The following CA13 variants were observed in gnomAD, a reference collection of about 807,000 sequenced individuals.
CA13 encodes the protein carbonic anhydrase 13.
A neutral mutation model predicts 31.5 loss-of-function variants in CA13; 21 were observed. The observed-to-expected ratio is 0.67, with a 90% CI of 0.47 to 0.96. The LOEUF (loss-of-function observed/expected upper bound fraction) is 0.96. Ranked by LOEUF, CA13 falls within the 40% of genes least tolerant of loss-of-function variation. The pLI is 0.00. For missense variants in CA13, 315 were observed against 318.9 expected (o/e 0.99, Z 0.09); for synonymous variants, 117 against 111.4 (o/e 1.05, Z -0.32).
In CA13 at chr8:85,283,962, A is replaced by G. The variant is rs1431981494; in HGVS notation, c.*2613A>G. The G allele has an allele frequency of 6.6e-6, 1 of 152,134 alleles. No homozygotes were observed. Among genetic ancestry groups the G allele is most frequent in the Non-Finnish European group, 1.5e-5 (1 of 68,014 alleles). 9.4% of individuals were successfully genotyped at this position (152,134 alleles called of 1,614,324 possible). ...AACAAATTAAAGAGTTGTAAATACTAGTGTAGATCTCTTTTGTTTACCACA... is the reference window on the plus strand; with the variant it reads ...AACAAATTAAAGAGTTGTAAATACTGGTGTAGATCTCTTTTGTTTACCACA... On this transcript the variant is annotated 3_prime_UTR_variant, in exon 7 of 7. Coordinates refer to ENST00000321764, the MANE Select transcript of CA13 (RefSeq NM_198584.3).
At chr8:85,251,848 T>A (rs1002888272) in intron 2 of CA13, among the ~76,000 whole-genome samples, 3 of 152,254 alleles carry the variant, frequency 2.0e-5, no homozygotes, top group Admixed American at 6.5e-5. Flanking sequence ...ATCATCCTTG[T>A]TTTGCATTTT....
Position 85,268,484 on chromosome 8 carries a change from C to T in CA13, c.526C>T (p.Arg176Ter), listed in dbSNP as rs916526395. 1.1e-5 allele frequency: 18 copies of T among 1,613,860 alleles called. No homozygotes were observed. Among genetic ancestry groups the T allele is most frequent in the African/African-American group, 2.7e-5 (2 of 74,902 alleles). The change falls in exon 6 of 7, where the codon CGA (arginine) becomes TGA (stop). Residue 176 changes from arginine to a stop codon, truncating the protein, a stop_gained. Transcript: ENST00000321764. LOFTEE classifies it high-confidence loss of function. The stretch of plus-strand genomic sequence containing the variant: ...TTTGATCCTCCAGGGTAAACAAACT[C>T]GATTCACAAATTTTGACCTATTGTC... ...DSIKEKGKQT[R>*]FTNFDLLSLL... is the part of the protein sequence containing the mutation.
intron 1 of CA13, 66 bp downstream of exon 1, chr8:85,245,931 C>G: frequency 6.3e-7 from 1 of 1,579,088 alleles, no homozygotes; most frequent in Non-Finnish European, 8.7e-7. Flanking sequence ...CGCGACGCCC[C>G]GGCGCTCGCT....
At chr8:85,277,682 A>G (rs1342890558) in intron 6 of CA13, among the ~76,000 whole-genome samples, 2 of 152,128 alleles carry the variant, frequency 1.3e-5, no homozygotes, top group African/African-American at 4.8e-5. Flanking sequence ...GGTGGTGTGG[A>G]GCAACAAGAG....
chr8:85,269,415 C>A (rs1360366889), intron 6 of CA13, among the ~76,000 whole-genome samples: 1 of 152,112 alleles, frequency 6.6e-6, no homozygotes, highest in Non-Finnish European at 1.5e-5. Flanking sequence ...CATGCCGCTG[C>A]ATTCCAGAGC....
chr8:85,253,049 G>A (rs981184418), intron 2 of CA13, among the ~76,000 whole-genome samples: 2 of 151,546 alleles, frequency 1.3e-5, no homozygotes, highest in African/African-American at 2.4e-5. Flanking sequence ...GGGTTCAAGC[G>A]ATTCTCCTGC....
At chr8:85,268,690 T>C in intron 6 of CA13, 63 bp downstream of exon 6, 1 of 1,350,974 alleles carries the variant, frequency 7.4e-7, no homozygotes, top group Non-Finnish European at 1.0e-6. Flanking sequence ...TTTTTTTTTT[T>C]TTTTCAACCC....
Position 85,266,613 on chromosome 8 carries a change from T to A in CA13, c.360T>A (p.His120Gln). Reference protein sequence around the residue: ...VDGVSYAAELHVVHWNSDKYP... With the variant: ...VDGVSYAAELQVVHWNSDKYP... ...GTTGTATATCTCCCTTTCAGCTCCA[T>A]GTTGTTCACTGGAATTCAGACAAAT... Residue 120 changes from histidine to glutamine, a missense_variant, in exon 4 of 7, where the codon CAT (histidine) becomes CAA (glutamine). Coordinates refer to ENST00000321764, the MANE Select transcript of CA13 (RefSeq NM_198584.3). 1 of 1,612,884 alleles carries A rather than the reference T, an allele frequency of 6.2e-7. No individual in the cohort carries two copies.
intron 3 of CA13, among the ~76,000 whole-genome samples, chr8:85,265,814 A>G (rs191446355): frequency 2.6e-5 from 4 of 152,356 alleles, no homozygotes; most frequent in Admixed American, 2.0e-4. Flanking sequence ...CCAATTAAAA[A>G]TGCTCTTAAT....
At chr8:85,277,718 C>T (rs1055363713) in intron 6 of CA13, among the ~76,000 whole-genome samples, 2 of 152,116 alleles carry the variant, frequency 1.3e-5, no homozygotes, top group Non-Finnish European at 2.9e-5. Flanking sequence ...TGGGTGCAGA[C>T]GGGCTGAGGC....
chr8:85,260,070 C>G (rs888241185), intron 3 of CA13, among the ~76,000 whole-genome samples: 4 of 151,292 alleles, frequency 2.6e-5, no homozygotes, highest in Admixed American at 1.3e-4. Flanking sequence ...TCTACTTTAT[C>G]TCTATATTTA....
intron 6 of CA13, 126 bp from the exon 7 acceptor site, chr8:85,281,104 G>T (rs1227627690): frequency 8.5e-7 from 1 of 1,181,132 alleles, no homozygotes; most frequent in Non-Finnish European, 1.2e-6. Context: ...TATATGACAT[G>T]TAACAGAAAA....
chr8:85,250,826 G>T lies in CA13; in HGVS notation c.124G>T (p.Asp42Tyr). 1 of 1,613,808 alleles carries T rather than the reference G, an allele frequency of 6.2e-7. No individual in the cohort carries two copies. The highest frequency in any genetic ancestry group is 8.5e-7 in the Non-Finnish European group (1 of 1,179,800). The change falls in exon 2 of 7, where the codon GAC becomes TAC. Residue 42 changes from aspartate (D) to tyrosine (Y), a missense_variant. Physicochemically the swap from Asp to Tyr is radical, Grantham distance 160 (BLOSUM62 -3). Coordinates refer to ENST00000321764, the MANE Select transcript of CA13 (RefSeq NM_198584.3). ...GATTAAAACCAAAGAAGTGAAATAT[G>T]ACTCTTCCCTCCGACCACTTAGTAT... ...IEIKTKEVKY[D>Y]SSLRPLSIKY...
chr8:85,282,568 A>C lies in CA13; in HGVS notation c.*1219A>C, dbSNP rs1218861969. On this transcript the variant is annotated 3_prime_UTR_variant, in exon 7 of 7. Transcript: ENST00000321764. The stretch of plus-strand genomic sequence containing the variant: ...GTTCTGTCAATTTGTGGAAAAAATT[A>C]CTTCAGTCTCATATAAATATAGAAT... The C allele has an allele frequency of 6.6e-6, 1 of 152,224 alleles. No individual in the cohort carries two copies. The allele number at this position is 152,224 out of a possible 1,614,324, so 9.4% of individuals were successfully genotyped here. A position where few individuals can be genotyped will look rare whatever the true frequency, so the allele number is the denominator to read the frequency against.
Position 85,245,737 on chromosome 8 carries a change from G to GCCCTAGCAGGCTC in CA13, c.-90_-78dup, listed in dbSNP as rs1249149648. 3.4e-6 allele frequency: 5 copies of GCCCTAGCAGGCTC among 1,478,670 alleles called. No individual in the cohort carries two copies. In the Admixed American group the frequency reaches 6.8e-5, roughly 20 times the overall value. 91.6% of individuals were successfully genotyped at this position (1,478,670 alleles called of 1,614,324 possible). A position where few individuals can be genotyped will look rare whatever the true frequency, so the allele number is the denominator to read the frequency against. On this transcript the variant is annotated 5_prime_UTR_variant, in exon 1 of 7. Transcript: ENST00000321764. ...CCTGCCGCCGGCGCCCCGCGGTCCCGCCCTAGCAGGCTCCTTCCCGGGCCC... is the reference window on the plus strand; with the variant it reads ...CCTGCCGCCGGCGCCCCGCGGTCCCGCCCTAGCAGGCTCCCCTAGCAGGCTCCTTCCCGGGCCC...
At chr8:85,279,974 TAAAAA>T (rs1038289418) in intron 6 of CA13, among the ~76,000 whole-genome samples, 1 of 147,564 alleles carries the variant, frequency 6.8e-6, no homozygotes, top group Admixed American at 6.8e-5. Context: ...TATCTGTACT[TAAAAA>T]AAAAACAAAA....
In CA13 at chr8:85,251,238, G is replaced by A. The variant is rs188706164; in HGVS notation, c.235+301G>A. Among the ~76,000 whole-genome samples the A allele has an allele frequency of 1.2e-3, 186 of 152,104 alleles. 1 individual carries two copies. In the East Asian group the frequency reaches 0.024, roughly 20 times the overall value. On this transcript the variant is annotated intron_variant, in intron 2 of 6. Coordinates refer to ENST00000321764, the MANE Select transcript of CA13 (RefSeq NM_198584.3). The stretch of plus-strand genomic sequence containing the variant: ...AGGATGGTCTTGATCTCCTGACCTC[G>A]TGATCCGCCTGCCTCGGCCTCCCAA...
rs551300250 is a variant in CA13 at position 85,276,952 on chromosome 8, A to G, written c.670-4278A>G. 5.3e-5 allele frequency among the ~76,000 whole-genome samples: 8 copies of G among 151,732 alleles called. No homozygotes were observed. In the East Asian group the frequency reaches 5.8e-4, roughly 11 times the overall value. On this transcript the variant is annotated intron_variant, in intron 6 of 6. Coordinates refer to ENST00000321764, the MANE Select transcript of CA13 (RefSeq NM_198584.3). ...TAGCTCAGGGTTTGTGAATGCACCA[A>G]TCGACACTCTGTATCTAGCTAATCT...
At chr8:85,246,366 G>A (rs1813730585) in intron 1 of CA13, 1 of 456,106 alleles carries the variant, frequency 2.2e-6, no homozygotes, top group Non-Finnish European at 4.4e-6. Flanking sequence ...TGGCTTCGTG[G>A]CAAACAAAAT....
Sources: allele counts gnomAD v4.1 joint callset (sites outside exome capture counted in the v4.1 genomes callset), GRCh38; gene constraint gnomAD v4.1.1; transcripts MANE v1.5; gene names NCBI Gene and HGNC (gene_info 2026-07-23, HGNC 2026-07-21).